The following AFF3 variants were observed in gnomAD, a reference collection of about 807,000 sequenced individuals.
AFF3 encodes ALF transcription elongation factor 3, also known as AF4/FMR2 family member 3.
AFF3 carries 32 observed loss-of-function variants against 129.7 expected under a neutral mutation model. The ratio of observed to expected loss-of-function variants is 0.25; its 90% CI spans 0.19 to 0.33. The LOEUF is 0.33. Ranked by LOEUF, AFF3 falls within the 10% of genes least tolerant of loss-of-function variation. AFF3 has a pLI of 1.00. For missense variants in AFF3, 1,373 were observed against 1,592.0 expected (o/e 0.86, Z 2.34); for synonymous variants, 644 against 635.4 (o/e 1.01, Z -0.20).
At chr2:99,647,718 A>G (rs1400444260) in intron 13 of AFF3, among the ~76,000 whole-genome samples, 1 of 152,246 alleles carries the variant, frequency 6.6e-6, no homozygotes, top group Admixed American at 6.5e-5. Context: ...CTGCACTGCT[A>G]GAATAGCAAA....
At chr2:99,969,471 T>G (rs1343095439) in intron 7 of AFF3, among the ~76,000 whole-genome samples, 1 of 120,388 alleles carries the variant, frequency 8.3e-6, no homozygotes, top group Non-Finnish European at 1.7e-5. Flanking sequence ...AAATTTTATT[T>G]TATTTTCATT....
At chr2:99,820,698 A>G (rs1687592423) in intron 8 of AFF3, among the ~76,000 whole-genome samples, 1 of 97,136 alleles carries the variant, frequency 1.0e-5, no homozygotes, top group Non-Finnish European at 2.5e-5. Flanking sequence ...TGTACAACAC[A>G]TTGTACAAAA....
chr2:99,631,049 G>A (rs991345167), intron 13 of AFF3: 5 of 446,626 alleles, frequency 1.1e-5, no homozygotes, highest in Non-Finnish European at 2.3e-5. Context: ...GCTGCTGCAG[G>A]GAGGCAGGCA....
At position 99,736,158 on chromosome 2, in the gene AFF3, A is replaced by C. The variant is rs551967666; in HGVS notation, c.1039+7946T>G. On this transcript the variant is annotated intron_variant, in intron 10 of 24. Transcript: ENST00000672756. Reference sequence around the variant, plus strand: ...TTGCTCATTGTGTTGTTTAAATCTTATGTATCCTTACTAATTTTTCTGTTT... The same window carrying C: ...TTGCTCATTGTGTTGTTTAAATCTTCTGTATCCTTACTAATTTTTCTGTTT... Among the ~76,000 whole-genome samples, 4 of 152,240 alleles carry C rather than the reference A, an allele frequency of 2.6e-5. No homozygotes were observed. In the South Asian group the frequency reaches 8.3e-4, roughly 32 times the overall value.
At chr2:100,129,416 G>GTGTGTGTGTGTGTATA (rs1491429504) in intron 1 of AFF3, 110 bp from the exon 2 acceptor site, 10 of 141,494 alleles carry the variant, frequency 7.1e-5, no homozygotes, top group South Asian at 2.3e-4. Context: ...GTGTGTGTGT[G>GTGTGTGTGTGTGTATA]TATACATATT....
chr2:99,786,754 G>A (rs1219649148), intron 8 of AFF3, among the ~76,000 whole-genome samples: 1 of 151,950 alleles, frequency 6.6e-6, no homozygotes, highest in Non-Finnish European at 1.5e-5. Context: ...TAGAGGATTC[G>A]GGCTGGCTTT....
intron 11 of AFF3, among the ~76,000 whole-genome samples, chr2:99,674,004 C>A (rs1687399119): frequency 1.3e-5 from 2 of 152,158 alleles, no homozygotes; most frequent in Admixed American, 1.3e-4. Context: ...CCAGTTTCGT[C>A]AAGGAGAAAA....
At chr2:99,732,852 G>C (rs1293115839) in intron 10 of AFF3, among the ~76,000 whole-genome samples, 2 of 152,002 alleles carry the variant, frequency 1.3e-5, no homozygotes, top group African/African-American at 4.8e-5. Flanking sequence ...ACCAACACTT[G>C]TTATGATCAA....
chr2:99,709,023 G>C (rs1043276873), intron 11 of AFF3, among the ~76,000 whole-genome samples: 1 of 152,152 alleles, frequency 6.6e-6, no homozygotes, highest in Non-Finnish European at 1.5e-5. Context: ...GAAACAGAAG[G>C]GGGTAAAGGG....
chr2:100,089,354 CT>C (rs1689695339), intron 4 of AFF3, among the ~76,000 whole-genome samples: 1 of 112,724 alleles, frequency 8.9e-6, no homozygotes, highest in African/African-American at 3.5e-5. Context: ...GCCTGGTTCC[CT>C]TCCAATATAT....
intron 18 of AFF3, among the ~76,000 whole-genome samples, chr2:99,575,006 C>T (rs373087683): frequency 3.7e-4 from 57 of 152,054 alleles, no homozygotes; most frequent in African/African-American, 1.3e-3. Context: ...GGAAGGAGGC[C>T]GAGAATTAAA....
chr2:99,860,119 T>G (rs1690863797), intron 7 of AFF3, among the ~76,000 whole-genome samples: 1 of 152,136 alleles, frequency 6.6e-6, no homozygotes, highest in Non-Finnish European at 1.5e-5. Context: ...ATTTTTATAT[T>G]AAAATATTTA....
intron 18 of AFF3, among the ~76,000 whole-genome samples, chr2:99,572,302 C>CT (rs1392284251): frequency 2.4e-5 from 3 of 127,108 alleles, no homozygotes; most frequent in East Asian, 4.7e-4. Context: ...CACCCCCCCC[C>CT]CCCCACCTAG....
At chr2:99,821,968 T>A (rs1414308257) in intron 8 of AFF3, among the ~76,000 whole-genome samples, 1 of 152,180 alleles carries the variant, frequency 6.6e-6, no homozygotes, top group African/African-American at 2.4e-5. Flanking sequence ...AGAGGTGGTA[T>A]AAACACAAGT....
At chr2:99,828,644 CTG>C (rs1423996740) in intron 8 of AFF3, among the ~76,000 whole-genome samples, 1 of 152,214 alleles carries the variant, frequency 6.6e-6, no homozygotes, top group African/African-American at 2.4e-5. Context: ...GGGAGAAACA[CTG>C]TAGTGCCCTT....
chr2:99,781,165 G>C (rs1684377913), intron 8 of AFF3, among the ~76,000 whole-genome samples: 1 of 152,014 alleles, frequency 6.6e-6, no homozygotes, highest in Non-Finnish European at 1.5e-5. Flanking sequence ...TGCACCTACT[G>C]TTCCCTTGGC....
chr2:100,090,413 AT>A (rs1364307019), intron 4 of AFF3, among the ~76,000 whole-genome samples: 1 of 152,326 alleles, frequency 6.6e-6, no homozygotes, highest in Non-Finnish European at 1.5e-5. Context: ...TATACAACTA[AT>A]TGCAAGAAAT....
intron 4 of AFF3, among the ~76,000 whole-genome samples, chr2:100,052,434 C>A (rs1312587819): frequency 1.3e-5 from 2 of 152,140 alleles, no homozygotes; most frequent in African/African-American, 4.8e-5. Context: ...TGCTTGGGAC[C>A]CAGGGCCATG....
At chr2:99,659,307 C>CA (rs1558711434) in intron 12 of AFF3, among the ~76,000 whole-genome samples, 1 of 152,202 alleles carries the variant, frequency 6.6e-6, no homozygotes, top group East Asian at 1.9e-4. Context: ...CACATGCATA[C>CA]ATGTGCCTGT....
Sources: allele counts gnomAD v4.1 joint callset (sites outside exome capture counted in the v4.1 genomes callset), GRCh38; gene constraint gnomAD v4.1.1; transcripts MANE v1.5; gene names NCBI Gene and HGNC (gene_info 2026-07-23, HGNC 2026-07-21).